Variants in RGS8 observed in about 807,000 individuals in gnomAD.
The protein encoded by RGS8 is regulator of G protein signaling 8.
A neutral mutation model predicts 21.7 loss-of-function variants in RGS8; 8 were observed. The observed-to-expected ratio is 0.37, with a 90% CI of 0.22 to 0.66. RGS8 has a LOEUF of 0.66. Ranked by LOEUF, RGS8 falls within the 30% of genes least tolerant of loss-of-function variation. RGS8 has a pLI of 0.59. For missense variants in RGS8, 157 were observed against 217.9 expected (o/e 0.72, Z 1.76); for synonymous variants, 80 against 83.6 (o/e 0.96, Z 0.24).
intron 5 of RGS8, among the ~76,000 whole-genome samples, chr1:182,654,354 G>A (rs1347577184): frequency 6.6e-6 from 1 of 152,084 alleles, no homozygotes. Flanking sequence ...TTTTCCTTAA[G>A]GACAAAGGCA....
the RGS8 span, among the ~76,000 whole-genome samples, chr1:182,695,896 A>G: frequency 6.6e-6 from 1 of 152,216 alleles, no homozygotes; most frequent in African/African-American, 2.4e-5. Flanking sequence ...TGGAATTTCA[A>G]AACTTCCACA....
chr1:182,701,664 T>C, the RGS8 span, among the ~76,000 whole-genome samples: 1 of 152,164 alleles, frequency 6.6e-6, no homozygotes, highest in African/African-American at 2.4e-5. Context: ...GAAAACTGAA[T>C]GCTATTCAGG....
At chr1:182,688,962 A>G (rs955022818), upstream of RGS8, among the ~76,000 whole-genome samples, 5 of 152,194 alleles carry the variant, frequency 3.3e-5, no homozygotes, top group Non-Finnish European at 5.9e-5. Flanking sequence ...CGCTGTGGGA[A>G]TTTCAACCTA....
chr1:182,724,226 A>G, the RGS8 span, among the ~76,000 whole-genome samples: 1 of 116,064 alleles, frequency 8.6e-6, no homozygotes, highest in South Asian at 3.1e-4. Flanking sequence ...ATATATATAT[A>G]TATATATATA....
the RGS8 span, among the ~76,000 whole-genome samples, chr1:182,709,865 A>G: frequency 1.3e-5 from 2 of 152,210 alleles, no homozygotes; most frequent in African/African-American, 4.8e-5. Context: ...TAGGGTCATT[A>G]TGTCAAATAA....
At chr1:182,645,547 C>T (rs1662664429), downstream of RGS8, 1 of 152,230 alleles carries the variant, frequency 6.6e-6, no homozygotes, top group Non-Finnish European at 1.5e-5. Flanking sequence ...TTGTCCACGT[C>T]CAGATGTTCA....
At chr1:182,713,404 G>C in the RGS8 span, among the ~76,000 whole-genome samples, 1 of 151,998 alleles carries the variant, frequency 6.6e-6, no homozygotes, top group African/African-American at 2.4e-5. Flanking sequence ...GGCTCTTCTA[G>C]ATCTCCTGAC....
Position 182,646,569 on chromosome 1 carries a change from G to A in RGS8, c.*166C>T, listed in dbSNP as rs536342674. ...GTAAATGGAATAGAGTCCAAGCTCC[G>A]GCAGCTGGGTCATACTTTGGAATGG... On this transcript the variant is annotated 3_prime_UTR_variant, in exon 7 of 7. Coordinates refer to ENST00000483095, the Ensembl canonical transcript of RGS8. 1.2e-4 allele frequency: 75 copies of A among 625,376 alleles called. No homozygotes were observed. The African/African-American group carries it at 1.2e-3, about 10-fold the overall frequency. The allele number at this position is 625,376 out of a possible 1,614,324, so 38.7% of individuals were successfully genotyped here.
chr1:182,674,912 G>C (rs1663832), upstream of RGS8, among the ~76,000 whole-genome samples: 20,035 of 151,988 alleles, frequency 0.13, 2,507 homozygotes, highest in African/African-American at 0.33. Context: ...TGTCCTGCCC[G>C]CCTCTGAACT....
chr1:182,692,646 G>A, the RGS8 span, among the ~76,000 whole-genome samples: 1 of 92,482 alleles, frequency 1.1e-5, no homozygotes, highest in Admixed American at 1.4e-4. Flanking sequence ...GGAACCAAAA[G>A]AGAGCCAAAT....
At chr1:182,722,991 TAAATAA>T in the RGS8 span, among the ~76,000 whole-genome samples, 2 of 150,628 alleles carry the variant, frequency 1.3e-5, no homozygotes, top group African/African-American at 4.9e-5. Flanking sequence ...AATAAATAAA[TAAATAA>T]AAATAAAAAT....
chr1:182,737,639 A>C, the RGS8 span, among the ~76,000 whole-genome samples: 1 of 152,180 alleles, frequency 6.6e-6, no homozygotes, highest in East Asian at 1.9e-4. Flanking sequence ...AGACATGTGG[A>C]ACTATGAGTC....
At chr1:182,680,114 C>G (rs1664493199) in intron 1 of RGS8, among the ~76,000 whole-genome samples, 3 of 152,168 alleles carry the variant, frequency 2.0e-5, no homozygotes, top group Admixed American at 6.5e-5. Flanking sequence ...ATGAGACAGC[C>G]TATTTTCTTA....
chr1:182,748,616 A>G, the RGS8 span, among the ~76,000 whole-genome samples: 1 of 152,236 alleles, frequency 6.6e-6, no homozygotes, highest in Admixed American at 6.5e-5. Context: ...TTGGATATAT[A>G]CCCAGTAGTG....
chr1:182,667,624 A>G (rs1197731179), intron 3 of RGS8, among the ~76,000 whole-genome samples: 1 of 152,204 alleles, frequency 6.6e-6, no homozygotes, highest in African/African-American at 2.4e-5. Flanking sequence ...AACTAAGCTC[A>G]TGTATTCCTA....
chr1:182,679,529 C>A lies in RGS8; in HGVS notation n.221+4827G>T, dbSNP rs368738636. Among the ~76,000 whole-genome samples, 4 of 151,662 alleles carry A rather than the reference C, an allele frequency of 2.6e-5. No homozygotes were observed. In the South Asian group the frequency reaches 8.4e-4, roughly 32 times the overall value. ...CTTCCTCTCTAATCTTAGCTTCCTG[C>A]CTCTCTCACCTTGCATGCTACTTGG... On this transcript the variant is annotated intron_variant and non_coding_transcript_variant, in intron 1 of 4. Transcript: ENST00000515211.
chr1:182,704,769 G>T, the RGS8 span, among the ~76,000 whole-genome samples: 2,288 of 152,256 alleles, frequency 0.015, 67 homozygotes, highest in African/African-American at 0.051. Context: ...CCTTGATTAT[G>T]GCAGGGAGGT....
chr1:182,733,798 C>G, the RGS8 span: 2 of 152,328 alleles, frequency 1.3e-5, no homozygotes, highest in African/African-American at 4.8e-5. Context: ...CACTGACAGA[C>G]TAACAGAGGT....
chr1:182,669,867 C>T, intron 2 of RGS8, 115 bp from the exon 4 acceptor site: 3 of 1,196,858 alleles, frequency 2.5e-6, no homozygotes, highest in Non-Finnish European at 3.4e-6. Context: ...ATCCCCCCAG[C>T]CCCACAAATG....
Sources: allele counts gnomAD v4.1 joint callset (sites outside exome capture counted in the v4.1 genomes callset), GRCh38; gene constraint gnomAD v4.1.1; transcripts MANE v1.5; gene names NCBI Gene and HGNC (gene_info 2026-07-23, HGNC 2026-07-21).